Variants in ADK observed in about 807,000 individuals in gnomAD.
ADK encodes N6,N6-dimethyladenosine kinase.
Under a neutral mutation model 44.7 loss-of-function variants are expected in ADK, and 24 were observed. The observed-to-expected ratio is 0.54, with a 90% confidence interval of 0.39 to 0.76. The LOEUF is 0.76. Ranked by LOEUF, ADK falls within the 30% of genes least tolerant of loss-of-function variation. The probability of loss-of-function intolerance (pLI) is 0.00; values close to 1 mark genes in which losing one functional copy is unlikely to be tolerated. For synonymous variants in ADK, 128 were observed against 142.6 expected (o/e 0.90, Z 0.73); for missense variants, 321 against 425.1 (o/e 0.76, Z 2.15).
intron 3 of ADK, among the ~76,000 whole-genome samples, chr10:74,251,499 T>A (rs1413676416): frequency 1.3e-5 from 2 of 152,214 alleles, no homozygotes; most frequent in Non-Finnish European, 2.9e-5. Context: ...TATTTATTGA[T>A]TACTTCCTGT....
chr10:74,329,554 T>C (rs916776061), intron 4 of ADK, among the ~76,000 whole-genome samples: 1 of 152,220 alleles, frequency 6.6e-6, no homozygotes, highest in African/African-American at 2.4e-5. Flanking sequence ...ACATAAAAAT[T>C]AGCAGTTATG....
At chr10:74,428,551 A>G (rs1371636956) in intron 6 of ADK, among the ~76,000 whole-genome samples, 39 of 152,214 alleles carry the variant, frequency 2.6e-4, no homozygotes, top group Admixed American at 2.5e-3. Context: ...GGGTGGATGG[A>G]TAGAAAATGA....
intron 2 of ADK, among the ~76,000 whole-genome samples, chr10:74,202,765 G>A (rs1266460348): frequency 6.6e-6 from 1 of 152,042 alleles, no homozygotes; most frequent in Non-Finnish European, 1.5e-5. Context: ...ATATCTTTGG[G>A]AAAATGTTGA....
At chr10:74,695,905 G>A (rs1291335932) in intron 10 of ADK, among the ~76,000 whole-genome samples, 1 of 151,994 alleles carries the variant, frequency 6.6e-6, no homozygotes, top group East Asian at 1.9e-4. Context: ...CTCCCAAAGT[G>A]CTGGAATTAC....
chr10:74,274,015 AG>A (rs1846554053), intron 3 of ADK, among the ~76,000 whole-genome samples: 1 of 152,284 alleles, frequency 6.6e-6, no homozygotes, highest in Admixed American at 6.5e-5. Context: ...TAAGAAGGAA[AG>A]GCTTAAACAT....
intron 10 of ADK, among the ~76,000 whole-genome samples, chr10:74,686,031 G>A (rs1477240719): frequency 3.9e-5 from 6 of 151,994 alleles, no homozygotes; most frequent in African/African-American, 1.5e-4. Flanking sequence ...GCGCAATCCC[G>A]ACTCGCTGCA....
chr10:74,282,851 C>T (rs10824140), intron 3 of ADK, among the ~76,000 whole-genome samples: 23,994 of 151,950 alleles, frequency 0.16, 1,945 homozygotes, highest in Middle Eastern at 0.22. Context: ...TTAATTTTGT[C>T]TTATAGTATA....
intron 9 of ADK, among the ~76,000 whole-genome samples, chr10:74,667,606 C>T (rs138592066): frequency 1.4e-3 from 213 of 150,468 alleles, no homozygotes; most frequent in African/African-American, 4.9e-3. Context: ...GATCTTGGCT[C>T]GCTGCAACCT....
chr10:74,614,389 C>T (rs1852668414), intron 9 of ADK, among the ~76,000 whole-genome samples: 1 of 152,058 alleles, frequency 6.6e-6, no homozygotes, highest in Non-Finnish European at 1.5e-5. Flanking sequence ...CATGTAACAA[C>T]CACCACAGAC....
At chr10:74,705,358 T>A (rs1479129797) in intron 10 of ADK, among the ~76,000 whole-genome samples, 3 of 152,232 alleles carry the variant, frequency 2.0e-5, no homozygotes. Flanking sequence ...ACCTGTCTTA[T>A]TTGCAATTAT....
At chr10:74,270,771 G>T (rs968705047) in intron 3 of ADK, among the ~76,000 whole-genome samples, 4 of 152,186 alleles carry the variant, frequency 2.6e-5, no homozygotes, top group African/African-American at 9.6e-5. Flanking sequence ...AAGAGTTTGA[G>T]AATTTAAAGG....
chr10:74,281,103 C>T (rs1216312524), intron 3 of ADK, among the ~76,000 whole-genome samples: 2 of 152,202 alleles, frequency 1.3e-5, no homozygotes, highest in Non-Finnish European at 2.9e-5. Context: ...AAGGTATACT[C>T]AACTTGGATA....
intron 9 of ADK, among the ~76,000 whole-genome samples, chr10:74,636,392 G>A (rs1424569242): frequency 6.6e-6 from 1 of 152,120 alleles, no homozygotes; most frequent in Non-Finnish European, 1.5e-5. Flanking sequence ...TCAAAACAGT[G>A]GTTTAGGAAT....
chr10:74,566,179 T>A (rs1019142483), intron 7 of ADK, among the ~76,000 whole-genome samples: 1 of 151,584 alleles, frequency 6.6e-6, no homozygotes, highest in Non-Finnish European at 1.5e-5. Flanking sequence ...GGCCTCTTCA[T>A]GTTTTTATTT....
chr10:74,661,460 G>A (rs1388935440), intron 9 of ADK, among the ~76,000 whole-genome samples: 1 of 152,122 alleles, frequency 6.6e-6, no homozygotes, highest in Non-Finnish European at 1.5e-5. Flanking sequence ...CCTTACTCAT[G>A]TGAGAATTAG....
intron 1 of ADK, chr10:74,176,711 G>A: frequency 6.8e-7 from 1 of 1,472,400 alleles, no homozygotes; most frequent in Non-Finnish European, 9.0e-7. Context: ...CAGCACGCCG[G>A]GCCGGCTAGC....
At chr10:74,344,548 GGTTGGCCAAGTA>G (rs1841696891) in intron 4 of ADK, 1 of 242,738 alleles carries the variant, frequency 4.1e-6, no homozygotes, top group Non-Finnish European at 9.0e-6. Flanking sequence ...TCTCTATCAT[GGTTGGCCAAGTA>G]GTCCTGCTTT....
intron 6 of ADK, among the ~76,000 whole-genome samples, chr10:74,420,668 G>A (rs1034896478): frequency 1.3e-5 from 2 of 152,072 alleles, no homozygotes; most frequent in African/African-American, 4.8e-5. Flanking sequence ...AATCTTGCAT[G>A]TTGTGGAATA....
chr10:74,211,988 G>A (rs1403423443), intron 2 of ADK, among the ~76,000 whole-genome samples: 1 of 152,026 alleles, frequency 6.6e-6, no homozygotes. Context: ...TGACTACCTT[G>A]TGACCTACAT....
Sources: gnomAD v4.1 joint callset for allele counts (sites outside exome capture counted in the v4.1 genomes callset) on GRCh38, gnomAD v4.1.1 for gene constraint, MANE v1.5 for transcripts, NCBI Gene and HGNC (gene_info 2026-07-23, HGNC 2026-07-21) for gene names.